GDI2: variants seen among roughly 807,000 people sequenced by gnomAD.
GDI2 encodes the protein rab GDP dissociation inhibitor beta.
A neutral mutation model predicts 54.2 loss-of-function variants in GDI2; 22 were observed. The ratio of observed to expected loss-of-function variants is 0.41; its 90% CI spans 0.29 to 0.58. The LOEUF is 0.58. Ranked by LOEUF, GDI2 falls within the 20% of genes least tolerant of loss-of-function variation. The pLI is 0.35. For missense variants in GDI2, 422 were observed against 546.0 expected (o/e 0.77, Z 2.26); for synonymous variants, 177 against 182.1 (o/e 0.97, Z 0.23).
chr10:5,806,892 T>C (rs920784400), intron 1 of GDI2, among the ~76,000 whole-genome samples: 1 of 152,128 alleles, frequency 6.6e-6, no homozygotes, highest in Non-Finnish European at 1.5e-5. Flanking sequence ...GTTGCACAGC[T>C]TCTATATATA....
intron 1 of GDI2, among the ~76,000 whole-genome samples, chr10:5,809,189 G>T (rs1443218933): frequency 6.8e-6 from 1 of 147,058 alleles, no homozygotes; most frequent in Non-Finnish European, 1.5e-5. Flanking sequence ...AGGTTGCGGT[G>T]AGCCGAGATC....
At chr10:5,781,615 ACT>A (rs1473677921) in intron 6 of GDI2, among the ~76,000 whole-genome samples, 6 of 133,038 alleles carry the variant, frequency 4.5e-5, no homozygotes, top group African/African-American at 5.6e-5. Context: ...AAACACCCAG[ACT>A]CTGTCTCCAA....
rs1191836063 is a variant in GDI2 at position 5,785,982 on chromosome 10, T to C, written c.457A>G (p.Lys153Glu). Residue 153 changes from lysine (K) to glutamate (E), a missense_variant, in exon 5 of 11, where the codon AAA (lysine) becomes GAA (glutamate). Physicochemically the swap from Lys to Glu is moderately conservative, Grantham distance 56. Coordinates refer to ENST00000380191, the MANE Select transcript of GDI2 (RefSeq NM_001494.4). The stretch of plus-strand genomic sequence containing the variant: ...ATGCCTTCAAAAGTTCTTGGATCTT[T>C]TTCATCGAAGTTGGCAACATACACT... ...FLVYVANFDE[K>E]DPRTFEGIDP... The C allele has an allele frequency of 6.2e-7, 1 of 1,613,716 alleles. No individual in the cohort carries two copies. Among genetic ancestry groups the C allele is most frequent in the Admixed American group, 1.7e-5 (1 of 60,028 alleles).
intron 1 of GDI2, among the ~76,000 whole-genome samples, chr10:5,803,950 A>G (rs986657181): frequency 1.3e-5 from 2 of 152,148 alleles, no homozygotes; most frequent in African/African-American, 4.8e-5. Context: ...CTACAAGTCT[A>G]TTTGACTTTG....
chr10:5,785,289 T>C lies in GDI2; in HGVS notation c.588-16A>G. 1.3e-6 allele frequency: 2 copies of C among 1,567,890 alleles called. No individual in the cohort carries two copies. Among genetic ancestry groups the C allele is most frequent in the East Asian group, 2.3e-5 (1 of 44,258 alleles). ...ATCTAAGTAACTGGAAGAAAGGAAA[T>C]GAGTATTAGGAAAGGGCTTTAGTTT... On this transcript the variant is annotated splice_polypyrimidine_tract_variant and intron_variant, in intron 5 of 10. Transcript: ENST00000380191.
chr10:5,804,107 T>A (rs1013185102), intron 1 of GDI2, among the ~76,000 whole-genome samples: 1 of 151,810 alleles, frequency 6.6e-6, no homozygotes, highest in Non-Finnish European at 1.5e-5. Context: ...TTTTTTTTTT[T>A]ATTGAGATAG....
At position 5,813,261 on chromosome 10, in the gene GDI2, C is replaced by A; in HGVS notation, c.-3G>T. 2 of 1,576,100 alleles carry A rather than the reference C, an allele frequency of 1.3e-6. No individual in the cohort carries two copies. Among genetic ancestry groups the A allele is most frequent in the Non-Finnish European group, 1.7e-6 (2 of 1,164,024 alleles). ...ATCACGTCGTACTCCTCATTCATGG[C>A]GGGGCAGGCGCGGACGCAGGACCCG... On this transcript the variant is annotated 5_prime_UTR_variant, in exon 1 of 11. Transcript: ENST00000380191.
In GDI2 at chr10:5,794,186, AAAATATATATATATATATAT is replaced by A. The variant is rs1309527464; in HGVS notation, c.388+679_388+698del. Among the ~76,000 whole-genome samples the A allele has an allele frequency of 1.1e-3, 50 of 46,670 alleles. 5 individuals carry two copies. The highest frequency in any genetic ancestry group is 2.1e-3 in the South Asian group (2 of 970). 30.6% of individuals were successfully genotyped at this position (46,670 alleles called of 152,430 possible). ...TGTCTTTAAAAGAAAAAAAAAAAAA[AAAATATATATATATATATAT>A]ATATATATATATATATATATATATA... On this transcript the variant is annotated intron_variant, in intron 4 of 10. Coordinates refer to ENST00000380191, the MANE Select transcript of GDI2 (RefSeq NM_001494.4).
intron 8 of GDI2, among the ~76,000 whole-genome samples, chr10:5,767,082 G>A (rs1405870589): frequency 1.3e-5 from 2 of 152,046 alleles, no homozygotes; most frequent in Non-Finnish European, 2.9e-5. Context: ...CCACTTTTGA[G>A]TTGGCATAAC....
rs980173723 is a variant in GDI2 at position 5,813,276 on chromosome 10, C to T, written c.-18G>A. 6 of 1,565,836 alleles carry T rather than the reference C, an allele frequency of 3.8e-6. No homozygotes were observed. The highest frequency in any genetic ancestry group is 5.2e-6 in the Non-Finnish European group (6 of 1,158,218). Reference sequence around the variant, plus strand: ...TCATTCATGGCGGGGCAGGCGCGGACGCAGGACCCGAGCAAGGAAAAGGCG... The same window carrying T: ...TCATTCATGGCGGGGCAGGCGCGGATGCAGGACCCGAGCAAGGAAAAGGCG... On this transcript the variant is annotated 5_prime_UTR_variant, in exon 1 of 11. Transcript: ENST00000380191.
intron 1 of GDI2, among the ~76,000 whole-genome samples, chr10:5,805,462 G>A (rs921125543): frequency 6.6e-6 from 1 of 150,934 alleles, no homozygotes; most frequent in African/African-American, 2.4e-5. Flanking sequence ...GCTCACTGCA[G>A]CCTCAACCTC....
At chr10:5,780,357 A>G (rs1840728110) in intron 6 of GDI2, among the ~76,000 whole-genome samples, 1 of 152,044 alleles carries the variant, frequency 6.6e-6, no homozygotes, top group Non-Finnish European at 1.5e-5. Flanking sequence ...TCCCCGTAAA[A>G]CTGGGAACAA....
Position 5,774,070 on chromosome 10 carries a change from T to TAG in GDI2, c.720-131_720-130dup. On this transcript the variant is annotated intron_variant, in intron 6 of 10. Transcript: ENST00000380191. This position sits in a 1 kb window ranked among gnomAD's most constrained non-coding sequence, Gnocchi z 4.8. ...ATTTCCTTCTAGAAAGATGTCAGCTTAGAAGTGATTAAAGCAAGAAAACAG... is the reference window on the plus strand; with the variant it reads ...ATTTCCTTCTAGAAAGATGTCAGCTTAGAGAAGTGATTAAAGCAAGAAAACAG... 4.0e-6 allele frequency: 2 copies of TAG among 505,216 alleles called. No homozygotes were observed. Among genetic ancestry groups the TAG allele is most frequent in the Non-Finnish European group, 6.9e-6 (2 of 291,452 alleles). The allele number at this position is 505,216 out of a possible 1,614,324, so 31.3% of individuals were successfully genotyped here. A position where few individuals can be genotyped will look rare whatever the true frequency, so the allele number is the denominator to read the frequency against.
chr10:5,808,880 G>A (rs2131724035), intron 1 of GDI2, among the ~76,000 whole-genome samples: 1 of 152,128 alleles, frequency 6.6e-6, no homozygotes, highest in Non-Finnish European at 1.5e-5. Context: ...GTATCTTACA[G>A]CAACATAATA....
intron 4 of GDI2, among the ~76,000 whole-genome samples, chr10:5,789,632 A>G (rs77202509): frequency 0.014 from 2,077 of 152,332 alleles, 46 homozygotes; most frequent in African/African-American, 0.048. Context: ...CGCATAGCCT[A>G]GAAATACCAA....
At chr10:5,800,546 A>G (rs3793714) in intron 2 of GDI2, 52 bp downstream of exon 2, 57,014 of 858,140 alleles carry the variant, frequency 0.066, 6,351 homozygotes, top group East Asian at 0.43. Context: ...GAGATTCACA[A>G]GTGAAATACT....
chr10:5,772,790 A>G (rs1251368422), intron 7 of GDI2, among the ~76,000 whole-genome samples: 2 of 152,182 alleles, frequency 1.3e-5, no homozygotes, highest in African/African-American at 4.8e-5. Flanking sequence ...ATAACATTTT[A>G]GTAGATAAAA....
chr10:5,802,767 GT>G (rs1280748577), intron 1 of GDI2, among the ~76,000 whole-genome samples: 1 of 152,148 alleles, frequency 6.6e-6, no homozygotes, highest in East Asian at 1.9e-4. Context: ...TTTACTCAGA[GT>G]AAACCTTGTT....
intron 5 of GDI2, 137 bp downstream of exon 5, chr10:5,785,715 C>G: frequency 1.6e-6 from 1 of 628,750 alleles, no homozygotes; most frequent in Non-Finnish European, 2.8e-6. Context: ...GGTCCCAACA[C>G]TAATTTCAAC....
Sources: allele counts gnomAD v4.1 joint callset (sites outside exome capture counted in the v4.1 genomes callset), GRCh38; gene constraint gnomAD v4.1.1; non-coding constraint Gnocchi (gnomAD v3.1); transcripts MANE v1.5; gene names NCBI Gene and HGNC (gene_info 2026-07-23, HGNC 2026-07-21).